ANGPT1: variants seen among roughly 807,000 people sequenced by gnomAD.
ANGPT1 encodes angiopoietin 1.
A neutral mutation model predicts 62.2 loss-of-function variants in ANGPT1; 17 were observed. The ratio of observed to expected loss-of-function variants is 0.27; its 90% confidence interval spans 0.19 to 0.41. The LOEUF (loss-of-function observed/expected upper bound fraction) is 0.41, where lower values mean the gene tolerates loss of function less well. Ranked by LOEUF, ANGPT1 falls within the 10% of genes least tolerant of loss-of-function variation. ANGPT1 has a pLI of 1.00. For synonymous variants in ANGPT1, 199 were observed against 198.9 expected, an observed-to-expected ratio of 1.00 and a Z score of 0.00; for missense variants, 478 against 594.9, an observed-to-expected ratio of 0.80 and a Z score of 2.04.
chr8:107,373,590 C>A (rs1022675708), intron 1 of ANGPT1, among the ~76,000 whole-genome samples: 6 of 152,160 alleles, frequency 3.9e-5, no homozygotes, highest in African/African-American at 9.7e-5. Flanking sequence ...CAAAAAGATA[C>A]TATTTACCAC....
chr8:107,315,036 C>T (rs1440627692), intron 4 of ANGPT1, among the ~76,000 whole-genome samples: 1 of 152,078 alleles, frequency 6.6e-6, no homozygotes, highest in African/African-American at 2.4e-5. Flanking sequence ...AGAATCAAGC[C>T]AAATGACTCC....
chr8:107,459,344 G>GT (rs1396972985), intron 1 of ANGPT1, among the ~76,000 whole-genome samples: 1 of 152,104 alleles, frequency 6.6e-6, no homozygotes, highest in Non-Finnish European at 1.5e-5. Flanking sequence ...GAGGTCAGGA[G>GT]TTTGAGAACA....
At chr8:107,296,769 T>G (rs1323737357) in intron 5 of ANGPT1, among the ~76,000 whole-genome samples, 2 of 152,108 alleles carry the variant, frequency 1.3e-5, no homozygotes, top group Non-Finnish European at 2.9e-5. Flanking sequence ...AAATTTTTAT[T>G]TCCTAATGGA....
chr8:107,393,775 A>T (rs1029020244), intron 1 of ANGPT1, among the ~76,000 whole-genome samples: 2 of 152,190 alleles, frequency 1.3e-5, no homozygotes, highest in African/African-American at 4.8e-5. Context: ...GCACCACTGC[A>T]CTCCAGCCTG....
At chr8:107,361,206 T>A (rs1816154305) in intron 1 of ANGPT1, among the ~76,000 whole-genome samples, 1 of 151,950 alleles carries the variant, frequency 6.6e-6, no homozygotes, top group South Asian at 2.1e-4. Context: ...ATATTATGAT[T>A]TTTTTTAAAG....
chr8:107,408,068 A>G (rs1817186124), intron 1 of ANGPT1, among the ~76,000 whole-genome samples: 1 of 137,306 alleles, frequency 7.3e-6, no homozygotes, highest in Non-Finnish European at 1.5e-5. Flanking sequence ...CAGAAATGCT[A>G]TTTTCTTACA....
intron 1 of ANGPT1, among the ~76,000 whole-genome samples, chr8:107,409,635 C>A (rs1383462040): frequency 1.3e-5 from 2 of 152,126 alleles, no homozygotes; most frequent in Admixed American, 6.5e-5. Flanking sequence ...CTCTAAACAC[C>A]AAGTCAGGGC....
At position 107,284,799 on chromosome 8, in the gene ANGPT1, A is replaced by G; in HGVS notation, c.1088T>C (p.Phe363Ser). Residue 363 changes from phenylalanine to serine, a missense_variant, in exon 7 of 9, where the codon TTT becomes TCT. Phe to Ser is a radical substitution (Grantham distance 155). This residue lies in a region of ANGPT1 where 81 missense variants were observed against 117.1 expected (regional missense o/e 0.69). Transcript: ENST00000517746. ...GEYWLGNEFI[F>S]AITSQRQYML... ...GTACTGCCTCTGACTGGTAATGGCA[A>G]AAATAAACTCATTCCCCAGCCAATA... The G allele has an allele frequency of 6.2e-7, 1 of 1,610,444 alleles. No individual in the cohort carries two copies. The highest frequency in any genetic ancestry group is 8.5e-7 in the Non-Finnish European group (1 of 1,177,544).
chr8:107,391,784 G>A (rs999907512), intron 1 of ANGPT1, among the ~76,000 whole-genome samples: 7 of 152,180 alleles, frequency 4.6e-5, no homozygotes, highest in African/African-American at 1.7e-4. Context: ...CTACAAACTT[G>A]TTCAGTAACC....
chr8:107,305,261 G>T (rs1814686470), intron 4 of ANGPT1, among the ~76,000 whole-genome samples: 1 of 151,978 alleles, frequency 6.6e-6, no homozygotes, highest in Non-Finnish European at 1.5e-5. Context: ...ACAGGAAGAT[G>T]TGGTCAGCAG....
At chr8:107,394,516 T>C (rs1816897142) in intron 1 of ANGPT1, among the ~76,000 whole-genome samples, 2 of 152,128 alleles carry the variant, frequency 1.3e-5, no homozygotes, top group Non-Finnish European at 2.9e-5. Flanking sequence ...GAGTTAGTTT[T>C]CAGAGTCAGA....
At position 107,333,957 on chromosome 8, in the gene ANGPT1, A is replaced by G. The variant is rs866888362; in HGVS notation, c.575+2193T>C. ...AAGAAAGAAAGAAAAAGAAAGAAAG[A>G]AAAGAAAGAAAGAAAGGAGGGAGGG... is the stretch of plus-strand genomic sequence containing the variant. On this transcript the variant is annotated intron_variant, in intron 3 of 8. Transcript: ENST00000517746. 5.4e-5 allele frequency among the ~76,000 whole-genome samples: 7 copies of G among 128,838 alleles called. No homozygotes were observed. The East Asian group carries it at 9.8e-4, about 18-fold the overall frequency. The allele number at this position is 128,838 out of a possible 152,430, so 84.5% of individuals were successfully genotyped here. A position where few individuals can be genotyped will look rare whatever the true frequency, so the allele number is the denominator to read the frequency against.
intron 1 of ANGPT1, among the ~76,000 whole-genome samples, chr8:107,369,454 T>C (rs1391901642): frequency 6.6e-6 from 1 of 152,236 alleles, no homozygotes; most frequent in African/African-American, 2.4e-5. Flanking sequence ...GTGTATTCAC[T>C]GGAATAGTAT....
intron 1 of ANGPT1, among the ~76,000 whole-genome samples, chr8:107,348,514 T>G (rs1226546946): frequency 6.6e-6 from 1 of 152,154 alleles, no homozygotes; most frequent in Non-Finnish European, 1.5e-5. Context: ...TTCATTCATT[T>G]TTCCCCCAAA....
intron 7 of ANGPT1, among the ~76,000 whole-genome samples, chr8:107,267,218 G>C (rs1342552368): frequency 6.6e-6 from 1 of 151,860 alleles, no homozygotes; most frequent in Admixed American, 6.6e-5. Context: ...TACTTTACAT[G>C]TTTCTGTATG....
chr8:107,361,303 G>A (rs1361201478), intron 1 of ANGPT1, among the ~76,000 whole-genome samples: 1 of 151,462 alleles, frequency 6.6e-6, no homozygotes, highest in African/African-American at 2.4e-5. Context: ...AAAACATGTT[G>A]TACTGTAAAT....
chr8:107,491,756 T>C (rs1370008168), intron 1 of ANGPT1, among the ~76,000 whole-genome samples: 2 of 152,200 alleles, frequency 1.3e-5, no homozygotes, highest in African/African-American at 4.8e-5. Context: ...CTGGTAAGAA[T>C]TCAGATTTTA....
At chr8:107,437,529 A>C (rs751648308) in intron 1 of ANGPT1, among the ~76,000 whole-genome samples, 3 of 152,244 alleles carry the variant, frequency 2.0e-5, no homozygotes, top group Non-Finnish European at 4.4e-5. Context: ...ACCTGATTTT[A>C]ATGGCCATGC....
intron 8 of ANGPT1, among the ~76,000 whole-genome samples, chr8:107,255,295 T>C (rs1354362825): frequency 6.6e-6 from 1 of 152,146 alleles, no homozygotes; most frequent in East Asian, 1.9e-4. Context: ...TTCTATATAG[T>C]CTGTACTCTG....
Sources: gnomAD v4.1 joint callset for allele counts (sites outside exome capture counted in the v4.1 genomes callset) on GRCh38, gnomAD v4.1.1 for gene constraint, gnomAD v4.1.1 regional missense constraint, MANE v1.5 for transcripts, NCBI Gene and HGNC (gene_info 2026-07-23, HGNC 2026-07-21) for gene names.